Variants in PIGX observed in about 807,000 individuals in gnomAD.
The protein encoded by PIGX is phosphatidylinositol glycan anchor biosynthesis class X, also known as GPI alpha-1,4-mannosyltransferase I, stabilizing subunit.
A neutral mutation model predicts 28.7 loss-of-function variants in PIGX; 24 were observed. The observed-to-expected ratio is 0.84, with a 90% confidence interval of 0.60 to 1.17. The LOEUF is 1.17. PIGX is among the 50% of genes most tolerant of loss of function. The pLI is 0.00. For missense variants in PIGX, 305 were observed against 317.8 expected, an observed-to-expected ratio of 0.96 and a Z score of 0.31; for synonymous variants, 127 against 121.0, an observed-to-expected ratio of 1.05 and a Z score of -0.33.
chr3:196,722,351 GTGTTA>G (rs1712356939), intron 2 of PIGX, 59 bp from the exon 3 acceptor site: 3 of 1,194,102 alleles, frequency 2.5e-6, no homozygotes, highest in East Asian at 2.3e-5. Flanking sequence ...TAGGAATACA[GTGTTA>G]TGTTATCTCA....
chr3:196,733,356 A>G lies in PIGX; in HGVS notation c.634-403A>G, dbSNP rs1163001465. On this transcript the variant is annotated intron_variant, in intron 5 of 5. Coordinates refer to ENST00000392391, the MANE Select transcript of PIGX (RefSeq NM_017861.4). The surrounding 1 kb of genome is among the most constrained non-coding windows in gnomAD (Gnocchi z 4.3). ...AGGAAATAAAAATATCCAATTAAAA[A>G]TCAAAGAAATAGTGGTCTCACCTTA... 6.6e-6 allele frequency among the ~76,000 whole-genome samples: 1 copy of G among 152,200 alleles called. No individual in the cohort carries two copies. Among genetic ancestry groups the G allele is most frequent in the East Asian group, 1.9e-4 (1 of 5,200 alleles).
chr3:196,714,269 G>C (rs11185453), intron 1 of PIGX, among the ~76,000 whole-genome samples: 56,517 of 151,984 alleles, frequency 0.37, 10,573 homozygotes, highest in East Asian at 0.55. Context: ...TTCAAGACCA[G>C]CCTGGAAAAC....
chr3:196,714,278 A>G (rs1316422871), intron 1 of PIGX, among the ~76,000 whole-genome samples: 1 of 152,110 alleles, frequency 6.6e-6, no homozygotes, highest in Non-Finnish European at 1.5e-5. Flanking sequence ...AGCCTGGAAA[A>G]CATAGCAAGA....
chr3:196,712,720 A>T (rs924654902), intron 1 of PIGX, 76 bp downstream of exon 1: 4 of 1,129,954 alleles, frequency 3.5e-6, no homozygotes, highest in Non-Finnish European at 4.3e-6. Context: ...GGTTGCGGGG[A>T]TGTGGGGACC....
At chr3:196,731,635 GTTGCCA>G (rs1322656146) in intron 5 of PIGX, among the ~76,000 whole-genome samples, 1 of 152,072 alleles carries the variant, frequency 6.6e-6, no homozygotes, top group Non-Finnish European at 1.5e-5. Flanking sequence ...TTTTGAGTAG[GTTGCCA>G]TTGCCATATG....
In PIGX at chr3:196,712,383, G is replaced by T; in HGVS notation, c.-150G>T. 1 of 316,690 alleles carries T rather than the reference G, an allele frequency of 3.2e-6. No homozygotes were observed. The highest frequency in any genetic ancestry group is 5.4e-6 in the Non-Finnish European group (1 of 185,790). The allele number at this position is 316,690 out of a possible 1,614,324, so 19.6% of individuals were successfully genotyped here. A position where few individuals can be genotyped will look rare whatever the true frequency, so the allele number is the denominator to read the frequency against. ...GGGGGCCGGGGCTGCAGGCAGCTGGGAACCGCGGGCGCTAGGCGCGCGCAC... is the reference window on the plus strand; with the variant it reads ...GGGGGCCGGGGCTGCAGGCAGCTGGTAACCGCGGGCGCTAGGCGCGCGCAC... On this transcript the variant is annotated 5_prime_UTR_variant, in exon 1 of 6. Coordinates refer to ENST00000392391, the MANE Select transcript of PIGX (RefSeq NM_017861.4).
rs1711855585 is a variant in PIGX at position 196,712,459 on chromosome 3, G to C, written c.-74G>C. On this transcript the variant is annotated 5_prime_UTR_variant, in exon 1 of 6. Coordinates refer to ENST00000392391, the MANE Select transcript of PIGX (RefSeq NM_017861.4). The stretch of plus-strand genomic sequence containing the variant: ...TCTGGGGCAGCGCGCGGTAGGAGCT[G>C]CGGGCGGCCAGGCCCCTTCCTGCGT... The C allele has an allele frequency of 1.5e-6, 1 of 659,574 alleles. No homozygotes were observed. Among genetic ancestry groups the C allele is most frequent in the East Asian group, 5.2e-5 (1 of 19,242 alleles). The allele number at this position is 659,574 out of a possible 1,614,324, so 40.9% of individuals were successfully genotyped here.
At chr3:196,732,235 TATATATATATATATATATATA>T (rs1560080528) in intron 5 of PIGX, among the ~76,000 whole-genome samples, 2,151 of 64,996 alleles carry the variant, frequency 0.033, 88 homozygotes, top group African/African-American at 0.056. Context: ...TATATATATA[TATATATATATATATATATATA>T]TTTTATTTTA....
intron 1 of PIGX, among the ~76,000 whole-genome samples, chr3:196,715,685 G>GGTTT (rs987811558): frequency 4.7e-4 from 71 of 152,212 alleles, no homozygotes; most frequent in Admixed American, 1.8e-3. Context: ...ATGTGTTTGG[G>GGTTT]GTTTGTTTGT....
rs73072721 is a variant in PIGX, at chr3:196,728,334, A to C, written c.532+198A>C. Reference sequence around the variant, plus strand: ...TTATGTGTGTGCTTTAATTTACAATAAAAAAGTTAAAAAGAAACATGCATC... The same window carrying C: ...TTATGTGTGTGCTTTAATTTACAATCAAAAAGTTAAAAAGAAACATGCATC... On this transcript the variant is annotated intron_variant, in intron 4 of 5. Transcript: ENST00000392391. 5.6e-3 allele frequency: 3,301 copies of C among 590,294 alleles called. 71 individuals carry two copies. Among genetic ancestry groups the C allele is most frequent in the African/African-American group, 0.055 (2,945 of 53,742 alleles). 36.6% of individuals were successfully genotyped at this position (590,294 alleles called of 1,614,324 possible).
At chr3:196,730,704 C>T (rs1712713227) in intron 4 of PIGX, among the ~76,000 whole-genome samples, 2 of 141,784 alleles carry the variant, frequency 1.4e-5, no homozygotes, top group Non-Finnish European at 3.0e-5. Context: ...GCCGAGATTG[C>T]ACCACAGCAC....
intron 3 of PIGX, among the ~76,000 whole-genome samples, chr3:196,724,449 A>G (rs1472680179): frequency 6.6e-6 from 1 of 152,244 alleles, no homozygotes; most frequent in Non-Finnish European, 1.5e-5. Flanking sequence ...TCTACTTAAT[A>G]AAATCACTTA....
At position 196,734,362 on chromosome 3, in the gene PIGX, A is replaced by C. The variant is rs1712929901; in HGVS notation, c.*460A>C. On this transcript the variant is annotated 3_prime_UTR_variant, in exon 6 of 6. Transcript: ENST00000392391. ...CGAGGTGGGCGGATCACCAGAGGTC[A>C]AGAGTTTGAGACCAGCTTGGTGAAA... 1 of 153,342 alleles carries C rather than the reference A, an allele frequency of 6.5e-6. No homozygotes were observed. The highest frequency in any genetic ancestry group is 1.5e-5 in the Non-Finnish European group (1 of 68,944). 9.5% of individuals were successfully genotyped at this position (153,342 alleles called of 1,614,324 possible).
intron 4 of PIGX, among the ~76,000 whole-genome samples, chr3:196,729,236 G>A (rs542550451): frequency 6.6e-6 from 1 of 151,946 alleles, no homozygotes; most frequent in Non-Finnish European, 1.5e-5. Context: ...GGGAGGCGGA[G>A]GCAGGAGAAT....
chr3:196,727,847 GTCT>G, intron 3 of PIGX, 73 bp from the exon 4 acceptor site: 2 of 1,019,452 alleles, frequency 2.0e-6, no homozygotes, highest in African/African-American at 3.2e-5. Flanking sequence ...TCTGTATATA[GTCT>G]TCTGGTTTTA....
Position 196,733,687 on chromosome 3 carries a change from A to G in PIGX, c.634-72A>G. The G allele has an allele frequency of 1.8e-6, 2 of 1,142,174 alleles. No individual in the cohort carries two copies. The highest frequency in any genetic ancestry group is 2.6e-6 in the Non-Finnish European group (2 of 769,876). The allele number at this position is 1,142,174 out of a possible 1,614,324, so 70.8% of individuals were successfully genotyped here. On this transcript the variant is annotated intron_variant, in intron 5 of 5. Transcript: ENST00000392391. The surrounding 1 kb of genome is among the most constrained non-coding windows in gnomAD (Gnocchi z 4.3). ...CTTGGCCTCCCGAAGTGCTGGGATTACAGGCATGAGCTACCACACCGGGCC... is the reference window on the plus strand; with the variant it reads ...CTTGGCCTCCCGAAGTGCTGGGATTGCAGGCATGAGCTACCACACCGGGCC...
At chr3:196,718,286 G>A (rs1712180050) in intron 2 of PIGX, among the ~76,000 whole-genome samples, 1 of 151,948 alleles carries the variant, frequency 6.6e-6, no homozygotes, top group African/African-American at 2.4e-5. Flanking sequence ...CTTCAGCCTG[G>A]CAACAGAGCG....
chr3:196,731,363 A>T (rs1477160715), intron 5 of PIGX, among the ~76,000 whole-genome samples: 2 of 152,158 alleles, frequency 1.3e-5, no homozygotes, highest in Non-Finnish European at 2.9e-5. Flanking sequence ...GTTTTGGTAG[A>T]GGCAGGGTTT....
chr3:196,730,761 A>G (rs1712718040), intron 4 of PIGX, among the ~76,000 whole-genome samples: 1 of 151,616 alleles, frequency 6.6e-6, no homozygotes, highest in African/African-American at 2.4e-5. Flanking sequence ...AAAAAAAAAA[A>G]AAAAAAAAAA....
Sources: gnomAD v4.1 joint callset for allele counts (sites outside exome capture counted in the v4.1 genomes callset) on GRCh38, gnomAD v4.1.1 for gene constraint, Gnocchi (gnomAD v3.1) non-coding constraint, MANE v1.5 for transcripts, NCBI Gene and HGNC (gene_info 2026-07-23, HGNC 2026-07-21) for gene names.